CTDSP2: variants seen among roughly 807,000 people sequenced by gnomAD.
CTDSP2 encodes CTD small phosphatase 2.
Under a neutral mutation model 31.6 loss-of-function variants are expected in CTDSP2, and 9 were observed. The ratio of observed to expected loss-of-function variants is 0.28; its 90% CI spans 0.17 to 0.50. The LOEUF (loss-of-function observed/expected upper bound fraction) is 0.50. Ranked by LOEUF, CTDSP2 falls within the 20% of genes least tolerant of loss-of-function variation. CTDSP2 has a pLI of 0.98. For missense variants in CTDSP2, 267 were observed against 348.5 expected (o/e 0.77, Z 1.86); for synonymous variants, 134 against 134.5 (o/e 1.00, Z 0.03).
In CTDSP2 at chr12:57,821,401, G is replaced by C. The variant is rs1956144040; in HGVS notation, c.*2201C>G. 2 of 152,672 alleles carry C rather than the reference G, an allele frequency of 1.3e-5. No individual in the cohort carries two copies. Among genetic ancestry groups the C allele is most frequent in the African/African-American group, 2.4e-5 (1 of 41,460 alleles). The allele number at this position is 152,672 out of a possible 1,614,324, so 9.5% of individuals were successfully genotyped here. ...CACTTGGACAAGTCTGTTAGGAAAG[G>C]GGGTGGCACATGCTCTTCCGCCATC... is the stretch of plus-strand genomic sequence containing the variant. On this transcript the variant is annotated 3_prime_UTR_variant, in exon 8 of 8. Coordinates refer to ENST00000398073, the MANE Select transcript of CTDSP2 (RefSeq NM_005730.4).
chr12:57,832,320 T>G (rs892177937), intron 1 of CTDSP2, among the ~76,000 whole-genome samples: 1 of 152,164 alleles, frequency 6.6e-6, no homozygotes, highest in Non-Finnish European at 1.5e-5. Flanking sequence ...GATTTTGTCA[T>G]GAAGTTGTGC....
rs2140470766 is a variant in CTDSP2, at chr12:57,821,944, T to A, written c.*1658A>T. The stretch of plus-strand genomic sequence containing the variant: ...TCTACTACCTGCTTTTCTCAAAACT[T>A]GTTAGTTCCTGAGGCTGGATCTAGG... On this transcript the variant is annotated 3_prime_UTR_variant, in exon 8 of 8. Transcript: ENST00000398073. 1 of 152,332 alleles carries A rather than the reference T, an allele frequency of 6.6e-6. No homozygotes were observed. The highest frequency in any genetic ancestry group is 1.9e-4 in the East Asian group (1 of 5,182). The allele number at this position is 152,332 out of a possible 1,614,324, so 9.4% of individuals were successfully genotyped here. A position where few individuals can be genotyped will look rare whatever the true frequency, so the allele number is the denominator to read the frequency against.
At chr12:57,829,309 G>T in intron 2 of CTDSP2, 139 bp downstream of exon 2, 2 of 930,180 alleles carry the variant, frequency 2.2e-6, no homozygotes, top group Admixed American at 4.2e-5. Context: ...ACTTATGGAA[G>T]GATGGAGGAA....
At chr12:57,828,868 C>T (rs1014040353) in intron 2 of CTDSP2, among the ~76,000 whole-genome samples, 1 of 152,206 alleles carries the variant, frequency 6.6e-6, no homozygotes, top group African/African-American at 2.4e-5. Context: ...AAAAAATACC[C>T]ACAAAATCCC....
At position 57,846,613 on chromosome 12, in the gene CTDSP2, A is replaced by C; in HGVS notation, c.-178T>G. The stretch of plus-strand genomic sequence containing the variant: ...ACCGGGAAGGGAGGCGGCCTGTACA[A>C]AGGGCGGGCGGCCCGGGCAGCGGCT... On this transcript the variant is annotated 5_prime_UTR_variant, in exon 1 of 8. Transcript: ENST00000398073. 4 of 509,010 alleles carry C rather than the reference A, an allele frequency of 7.9e-6. No individual in the cohort carries two copies. Among genetic ancestry groups the C allele is most frequent in the Non-Finnish European group, 1.3e-5 (4 of 306,010 alleles). 31.5% of individuals were successfully genotyped at this position (509,010 alleles called of 1,614,324 possible). A position where few individuals can be genotyped will look rare whatever the true frequency, so the allele number is the denominator to read the frequency against.
At position 57,846,563 on chromosome 12, in the gene CTDSP2, A is replaced by AT. The variant is rs1565851158; in HGVS notation, c.-129dup. ...GACTCCGACTTCCACAGCTGTTCAC[A>AT]TCCCCCCTCTCGTTTCCTCCCCGGA... is the stretch of plus-strand genomic sequence containing the variant. On this transcript the variant is annotated 5_prime_UTR_variant, in exon 1 of 8. It adds an upstream start codon to the 5' untranslated region. Coordinates refer to ENST00000398073, the MANE Select transcript of CTDSP2 (RefSeq NM_005730.4). The AT allele has an allele frequency of 1.4e-6, 1 of 730,928 alleles. No individual in the cohort carries two copies. The highest frequency in any genetic ancestry group is 1.9e-5 in the African/African-American group (1 of 52,190). The allele number at this position is 730,928 out of a possible 1,614,324, so 45.3% of individuals were successfully genotyped here. A position where few individuals can be genotyped will look rare whatever the true frequency, so the allele number is the denominator to read the frequency against.
At chr12:57,829,383 G>T in intron 2 of CTDSP2, 65 bp downstream of exon 2, 2 of 1,564,436 alleles carry the variant, frequency 1.3e-6, no homozygotes, top group Non-Finnish European at 1.8e-6. Context: ...GGTTGCCATC[G>T]TCTGCAGGGA....
intron 5 of CTDSP2, among the ~76,000 whole-genome samples, chr12:57,826,067 T>C (rs1956180868): frequency 6.6e-6 from 1 of 152,216 alleles, no homozygotes; most frequent in Admixed American, 6.5e-5. Context: ...ACGATAGCTA[T>C]TATTATTATT....
chr12:57,831,157 C>T (rs1351876943), intron 1 of CTDSP2, among the ~76,000 whole-genome samples: 1 of 148,052 alleles, frequency 6.8e-6, no homozygotes, highest in East Asian at 2.0e-4. Context: ...TAGAAATGGA[C>T]TTAAGAATAT....
chr12:57,829,636 CA>C, intron 1 of CTDSP2, 40 bp from the exon 2 acceptor site: 1 of 1,589,080 alleles, frequency 6.3e-7, no homozygotes, highest in Non-Finnish European at 8.6e-7. Context: ...GCTCTAGGGA[CA>C]TCAGTTTCTG....
In CTDSP2 at chr12:57,846,526, TCCGGCTC is replaced by T. The variant is rs878913844; in HGVS notation, c.-98_-92del. 3.1e-4 allele frequency: 330 copies of T among 1,069,434 alleles called. 1 individual carries two copies. In the East Asian group the frequency reaches 3.3e-3, roughly 11 times the overall value. The allele number at this position is 1,069,434 out of a possible 1,614,324, so 66.2% of individuals were successfully genotyped here. ...CTGGGGGGCCTGGGCGGGGGCCCGC[TCCGGCTC>T]CCGAGACTCCGACTTCCACAGCTGT... On this transcript the variant is annotated 5_prime_UTR_variant, in exon 1 of 8. Coordinates refer to ENST00000398073, the MANE Select transcript of CTDSP2 (RefSeq NM_005730.4).
intron 1 of CTDSP2, among the ~76,000 whole-genome samples, chr12:57,833,496 G>C (rs1190304171): frequency 3.9e-5 from 6 of 152,182 alleles, no homozygotes; most frequent in Non-Finnish European, 8.8e-5. Context: ...TTCCAGGCTG[G>C]CTGTCCTCCT....
intron 1 of CTDSP2, among the ~76,000 whole-genome samples, chr12:57,844,579 C>T (rs1956302155): frequency 1.3e-5 from 2 of 152,056 alleles, no homozygotes; most frequent in Non-Finnish European, 2.9e-5. Flanking sequence ...AGGTTTCTTC[C>T]CCTCTGGCTA....
Position 57,829,560 on chromosome 12 carries a change from C to T in CTDSP2, c.101G>A (p.Gly34Glu). 12 of 1,614,162 alleles carry T rather than the reference C, an allele frequency of 7.4e-6. No individual in the cohort carries two copies. The highest frequency in any genetic ancestry group is 9.3e-6 in the Non-Finnish European group (11 of 1,180,022). Residue 34 changes from glycine (G) to glutamate (E), a missense_variant, in exon 2 of 8, where the codon GGA (glycine) becomes GAA (glutamate). Physicochemically the swap from Gly to Glu is moderately conservative, Grantham distance 98. Transcript: ENST00000398073. ...VSKSSPKKPRGRNIFKALFCC... is the reference protein window; with the variant it reads ...VSKSSPKKPRERNIFKALFCC... ...GAAAAGGGCCTTGAAGATGTTACGT[C>T]CACGAGGCTTCTTAGGAGAGGACTT... is the stretch of plus-strand genomic sequence containing the variant.
In CTDSP2 at chr12:57,827,084, C is replaced by T; in HGVS notation, c.266G>A (p.Cys89Tyr). Residue 89 changes from cysteine to tyrosine, a missense_variant, in exon 4 of 8, where the codon TGC (cysteine) becomes TAC (tyrosine). Cys to Tyr is a radical substitution (Grantham distance 194). Around this residue, in one of 2 missense-constraint regions of CTDSP2, gnomAD observed 156 missense variants for 241.3 expected, o/e 0.65. Transcript: ENST00000398073. ...QYQFYQIPGTCLLPEVTEEDQ... is the reference protein window; with the variant it reads ...QYQFYQIPGTYLLPEVTEEDQ... ...TTCCTCTGTCACCTCTGGGAGCAGG[C>T]AGGTCCCTGGGATCTAAAACCAAGC... 1.9e-6 allele frequency: 3 copies of T among 1,613,310 alleles called. No individual in the cohort carries two copies. The highest frequency in any genetic ancestry group is 2.5e-6 in the Non-Finnish European group (3 of 1,179,766).
intron 1 of CTDSP2, among the ~76,000 whole-genome samples, chr12:57,840,481 T>C (rs1956276129): frequency 6.6e-6 from 1 of 152,210 alleles, no homozygotes; most frequent in South Asian, 2.1e-4. Context: ...CTGGGTCTGC[T>C]GTCTCTACCT....
Position 57,833,466 on chromosome 12 carries a change from C to T in CTDSP2, c.65-3870G>A, listed in dbSNP as rs1397681777. Among the ~76,000 whole-genome samples, 3 of 152,324 alleles carry T rather than the reference C, an allele frequency of 2.0e-5. No homozygotes were observed. The East Asian group carries it at 5.8e-4, about 29-fold the overall frequency. ...CTCATTCCCCACTCCCTTGATGGGG[C>T]CCTGCTTCCCTCCATCCTTTTCCAG... On this transcript the variant is annotated intron_variant, in intron 1 of 7. Coordinates refer to ENST00000398073, the MANE Select transcript of CTDSP2 (RefSeq NM_005730.4).
In CTDSP2 at chr12:57,846,473, G is replaced by A; in HGVS notation, c.-38C>T. The A allele has an allele frequency of 6.5e-7, 1 of 1,533,534 alleles. No individual in the cohort carries two copies. The highest frequency in any genetic ancestry group is 1.2e-5 in the South Asian group (1 of 82,452). The allele number at this position is 1,533,534 out of a possible 1,614,324, so 95.0% of individuals were successfully genotyped here. On this transcript the variant is annotated 5_prime_UTR_variant, in exon 1 of 8. Coordinates refer to ENST00000398073, the MANE Select transcript of CTDSP2 (RefSeq NM_005730.4). ...CGGGCCCGGGCTGGCTGGGCGGGAG[G>A]ACGGGCGGGCGCGCGGGCTGGGCTG...
intron 1 of CTDSP2, among the ~76,000 whole-genome samples, chr12:57,830,758 A>AT (rs1422386488): frequency 6.6e-6 from 1 of 151,884 alleles, no homozygotes; most frequent in Non-Finnish European, 1.5e-5. Context: ...TGATTTATTT[A>AT]TTTTTTTGAG....
Sources: gnomAD v4.1 joint callset for allele counts (sites outside exome capture counted in the v4.1 genomes callset) on GRCh38, gnomAD v4.1.1 for gene constraint, gnomAD v4.1.1 regional missense constraint, MANE v1.5 for transcripts, NCBI Gene and HGNC (gene_info 2026-07-23, HGNC 2026-07-21) for gene names.